NFIA: variants seen among roughly 807,000 people sequenced by gnomAD.
NFIA encodes nuclear factor I A.
In NFIA, 8 loss-of-function variants were observed where a neutral mutation model predicts 62.8. That is an observed-to-expected ratio of 0.13 (90% CI 0.07 to 0.23). The LOEUF is 0.23. Among genes scored for constraint, NFIA ranks in the 10% least tolerant of loss-of-function variants. The pLI is 1.00. For synonymous variants in NFIA, 235 were observed against 238.1 expected (o/e 0.99, Z 0.12); for missense variants, 410 against 642.1 (o/e 0.64, Z 3.91).
intron 3 of NFIA, among the ~76,000 whole-genome samples, chr1:61,309,830 A>G (rs888424981): frequency 8.5e-5 from 13 of 152,226 alleles, no homozygotes; most frequent in Admixed American, 6.5e-5. Context: ...CGGAGGTTGC[A>G]GTGAGCCGAG....
At chr1:61,371,022 A>G (rs1557738228) in intron 6 of NFIA, among the ~76,000 whole-genome samples, 1 of 152,248 alleles carries the variant, frequency 6.6e-6, no homozygotes, top group Non-Finnish European at 1.5e-5. Flanking sequence ...TTAGCTTCCA[A>G]GATTAGTGAA....
chr1:61,430,777 C>T (rs745415565), intron 10 of NFIA, among the ~76,000 whole-genome samples: 6 of 152,116 alleles, frequency 3.9e-5, no homozygotes, highest in South Asian at 2.1e-4. Flanking sequence ...CCCTGGCTTT[C>T]GGCTTTGTTC....
At chr1:61,426,441 C>A in intron 9 of NFIA, 24 bp from the exon 10 acceptor site, 2 of 1,513,150 alleles carry the variant, frequency 1.3e-6, no homozygotes, top group East Asian at 2.5e-5. Context: ...GCTTCCTGAA[C>A]GCATGTGTCC....
At chr1:61,392,069 CA>C (rs1352751613) in intron 7 of NFIA, among the ~76,000 whole-genome samples, 3 of 152,196 alleles carry the variant, frequency 2.0e-5, no homozygotes, top group Non-Finnish European at 4.4e-5. Flanking sequence ...ATAGACCTAA[CA>C]AGTACCACCT....
chr1:61,241,829 A>C (rs1448037772), intron 2 of NFIA, among the ~76,000 whole-genome samples: 1 of 152,156 alleles, frequency 6.6e-6, no homozygotes, highest in Admixed American at 6.6e-5. Context: ...AGGGGAATAC[A>C]TGAGGTGAAA....
At chr1:61,201,029 AAAC>A (rs1447569256) in intron 2 of NFIA, among the ~76,000 whole-genome samples, 7 of 152,304 alleles carry the variant, frequency 4.6e-5, no homozygotes, top group Non-Finnish European at 4.4e-5. Context: ...GTAAAAGGGA[AAAC>A]AACGACTCCC....
intron 4 of NFIA, 25 bp downstream of exon 4, chr1:61,332,611 G>A (rs752349382): frequency 6.2e-7 from 1 of 1,605,436 alleles, no homozygotes; most frequent in Admixed American, 1.7e-5. Flanking sequence ...GCTTTGATTT[G>A]GTACAGATTT....
intron 2 of NFIA, among the ~76,000 whole-genome samples, chr1:61,148,094 G>A (rs1648136320): frequency 6.6e-6 from 1 of 152,162 alleles, no homozygotes; most frequent in African/African-American, 2.4e-5. Context: ...GCATTGTTGA[G>A]TAGTTGTGGT....
intron 10 of NFIA, among the ~76,000 whole-genome samples, chr1:61,437,534 G>A (rs1249991712): frequency 2.6e-5 from 4 of 152,130 alleles, no homozygotes; most frequent in Admixed American, 1.3e-4. Flanking sequence ...CACCTACTAT[G>A]TTCCTGGCAC....
chr1:61,166,897 T>C (rs1649603665), intron 2 of NFIA, among the ~76,000 whole-genome samples: 1 of 152,196 alleles, frequency 6.6e-6, no homozygotes, highest in South Asian at 2.1e-4. Flanking sequence ...ATCCCAACAC[T>C]TTGGGAGGCC....
At chr1:61,239,270 G>C (rs1655191178) in intron 2 of NFIA, among the ~76,000 whole-genome samples, 1 of 152,086 alleles carries the variant, frequency 6.6e-6, no homozygotes, top group African/African-American at 2.4e-5. Context: ...TGCTTGCGTG[G>C]TTTTAATGCA....
At chr1:61,272,798 A>G (rs557339094) in intron 2 of NFIA, among the ~76,000 whole-genome samples, 24 of 152,180 alleles carry the variant, frequency 1.6e-4, no homozygotes, top group Non-Finnish European at 2.8e-4. Flanking sequence ...TTTAGTTTTT[A>G]TACTACAAAC....
At chr1:61,180,826 C>G (rs1229254003) in intron 2 of NFIA, among the ~76,000 whole-genome samples, 1 of 152,080 alleles carries the variant, frequency 6.6e-6, no homozygotes, top group Non-Finnish European at 1.5e-5. Context: ...TCAACGTATT[C>G]CCTTATAAGA....
intron 10 of NFIA, among the ~76,000 whole-genome samples, chr1:61,446,776 T>C (rs1245474839): frequency 1.3e-5 from 2 of 152,328 alleles, no homozygotes; most frequent in Non-Finnish European, 2.9e-5. Context: ...TACTGGACTT[T>C]ATCTTCCTGC....
chr1:61,138,051 AT>A (rs1191229672), intron 2 of NFIA, among the ~76,000 whole-genome samples: 2 of 150,560 alleles, frequency 1.3e-5, no homozygotes, highest in Non-Finnish European at 3.0e-5. Context: ...GAGCAAGAGT[AT>A]TTTTTTCCAA....
At chr1:61,262,819 T>C (rs1406048877) in intron 2 of NFIA, among the ~76,000 whole-genome samples, 1 of 152,114 alleles carries the variant, frequency 6.6e-6, no homozygotes, top group Non-Finnish European at 1.5e-5. Flanking sequence ...TTTTGGGAGG[T>C]GATAGCCAGA....
intron 2 of NFIA, among the ~76,000 whole-genome samples, chr1:61,274,915 T>C (rs1392309009): frequency 1.3e-5 from 2 of 152,168 alleles, no homozygotes; most frequent in African/African-American, 2.4e-5. Flanking sequence ...TGCTCCTTCT[T>C]GGCTGAAAAA....
intron 2 of NFIA, among the ~76,000 whole-genome samples, chr1:61,198,488 T>G (rs1652190433): frequency 6.6e-6 from 1 of 152,210 alleles, no homozygotes; most frequent in Non-Finnish European, 1.5e-5. Context: ...ACTAGGGTCT[T>G]TGACTGAGAA....
intron 3 of NFIA, among the ~76,000 whole-genome samples, chr1:61,295,036 A>C (rs1245106433): frequency 1.3e-5 from 2 of 152,088 alleles, no homozygotes; most frequent in East Asian, 3.9e-4. Flanking sequence ...CAGGGTGTGA[A>C]ATGTTTGCTG....
Sources: allele counts gnomAD v4.1 joint callset (sites outside exome capture counted in the v4.1 genomes callset), GRCh38; gene constraint gnomAD v4.1.1; transcripts MANE v1.5; gene names NCBI Gene and HGNC (gene_info 2026-07-23, HGNC 2026-07-21).